ITGAM: variants seen among roughly 807,000 people sequenced by gnomAD.
ITGAM encodes the protein integrin subunit alpha M.
ITGAM carries 79 observed loss-of-function variants against 137.5 expected under a neutral mutation model. The observed-to-expected ratio is 0.57, with a 90% confidence interval of 0.48 to 0.69. ITGAM has a LOEUF of 0.69. Ranked by LOEUF, ITGAM falls within the 30% of genes least tolerant of loss-of-function variation. The pLI is 0.00. For synonymous variants in ITGAM, 583 were observed against 592.3 expected, an observed-to-expected ratio of 0.98 and a Z score of 0.23; for missense variants, 1,343 against 1,483.5, an observed-to-expected ratio of 0.91 and a Z score of 1.56.
intron 12 of ITGAM, among the ~76,000 whole-genome samples, chr16:31,292,022 T>C (rs1211971765): frequency 6.6e-6 from 1 of 152,120 alleles, no homozygotes; most frequent in Non-Finnish European, 1.5e-5. Context: ...TCACACATTG[T>C]ATGCTTGTAT....
rs1477833816 is a variant in ITGAM, at chr16:31,270,699, G to GTGTGTGTATATATATC, written c.428-254_428-253insGTGTGTATATATATCT. Among the ~76,000 whole-genome samples the GTGTGTGTATATATATC allele has an allele frequency of 1.9e-4, 5 of 25,998 alleles. 2 individuals carry two copies. Among genetic ancestry groups the GTGTGTGTATATATATC allele is most frequent in the African/African-American group, 5.7e-4 (5 of 8,782 alleles). 17.1% of individuals were successfully genotyped at this position (25,998 alleles called of 152,430 possible). On this transcript the variant is annotated intron_variant, in intron 5 of 29. Coordinates refer to ENST00000544665, the MANE Select transcript of ITGAM (RefSeq NM_000632.4). The stretch of plus-strand genomic sequence containing the variant: ...TGACTAATTTTTAACGTGTGTGTGT[G>GTGTGTGTATATATATC]TATATATATATATATATATATATAT...
chr16:31,329,152 A>C, intron 23 of ITGAM, 76 bp from the exon 24 acceptor site: 1 of 901,346 alleles, frequency 1.1e-6, no homozygotes, highest in Non-Finnish European at 1.8e-6. Flanking sequence ...TTCGCTCCTT[A>C]CACACTTAGC....
chr16:31,290,863 G>T lies in ITGAM; in HGVS notation c.1357-6651G>T, dbSNP rs116751121. Among the ~76,000 whole-genome samples, 946 of 152,078 alleles carry T rather than the reference G, an allele frequency of 6.2e-3. 8 individuals are homozygous for T. The highest frequency in any genetic ancestry group is 0.022 in the African/African-American group (901 of 41,506). ...ACCTATAAAAAAGCTATGATAATAG[G>T]TTTTTTCAGTAAGTTCTCAGGATAT... On this transcript the variant is annotated intron_variant, in intron 12 of 29. Coordinates refer to ENST00000544665, the MANE Select transcript of ITGAM (RefSeq NM_000632.4).
In ITGAM at chr16:31,270,800, A is replaced by G. The variant is rs555226607; in HGVS notation, c.428-154A>G. Among the ~76,000 whole-genome samples the G allele has an allele frequency of 3.5e-5, 5 of 142,692 alleles. No individual in the cohort carries two copies. In the South Asian group the frequency reaches 1.1e-3, roughly 31 times the overall value. 93.6% of individuals were successfully genotyped at this position (142,692 alleles called of 152,430 possible). ...TACACACACGTTAAAAATTATATAT[A>G]TATTATACATAATTTATATATATAT... is the stretch of plus-strand genomic sequence containing the variant. On this transcript the variant is annotated intron_variant, in intron 5 of 29. Coordinates refer to ENST00000544665, the MANE Select transcript of ITGAM (RefSeq NM_000632.4).
chr16:31,311,287 A>T (rs1271158411), intron 14 of ITGAM, among the ~76,000 whole-genome samples: 1 of 152,234 alleles, frequency 6.6e-6, no homozygotes, highest in African/African-American at 2.4e-5. Context: ...GACAAATGGG[A>T]TCTAATTAAA....
chr16:31,262,357 TTCCTTCCTTCC>T (rs2079712941), intron 2 of ITGAM, among the ~76,000 whole-genome samples: 2 of 123,658 alleles, frequency 1.6e-5, no homozygotes, highest in African/African-American at 3.1e-5. Context: ...CCTTCCTTCC[TTCCTTCCTTCC>T]TTCCTTCCTT....
In ITGAM at chr16:31,329,297, A is replaced by C. The variant is rs766609008; in HGVS notation, c.2862A>C (p.Gln954His). The change falls in exon 24 of 30, where the codon CAA becomes CAC. Residue 954 changes from glutamine to histidine, a missense_variant. Transcript: ENST00000544665. ...ATACCAGTCGGGTCATGCAGCATCA[A>C]TATCAGGTGGGCAGCTGGGACGTCT... ...SENTSRVMQHQYQVSNLGQRS... is the reference protein window; with the variant it reads ...SENTSRVMQHHYQVSNLGQRS... 1.9e-6 allele frequency: 3 copies of C among 1,610,100 alleles called. No individual in the cohort carries two copies. Among genetic ancestry groups the C allele is most frequent in the Non-Finnish European group, 2.5e-6 (3 of 1,176,646 alleles).
Position 31,323,544 on chromosome 16 carries a change from G to T in ITGAM, c.2003-855G>T, listed in dbSNP as rs542374753. On this transcript the variant is annotated intron_variant, in intron 16 of 29. Transcript: ENST00000544665. ...TGTACGTTATAATCAAACTGCTGAAGACCAAAGACAAAGAGAAAAAAATTT... is the reference window on the plus strand; with the variant it reads ...TGTACGTTATAATCAAACTGCTGAATACCAAAGACAAAGAGAAAAAAATTT... Among the ~76,000 whole-genome samples, 6 of 151,836 alleles carry T rather than the reference G, an allele frequency of 4.0e-5. No individual in the cohort carries two copies. In the South Asian group the frequency reaches 1.0e-3, roughly 26 times the overall value.
chr16:31,330,459 G>C (rs1275864665), intron 27 of ITGAM, 38 bp downstream of exon 27: 1 of 1,608,690 alleles, frequency 6.2e-7, no homozygotes, highest in Admixed American at 1.7e-5. Flanking sequence ...GCACAGGCGT[G>C]GTGCTCAGGG....
intron 14 of ITGAM, among the ~76,000 whole-genome samples, chr16:31,319,967 C>T (rs1360519543): frequency 1.3e-5 from 2 of 152,048 alleles, no homozygotes; most frequent in African/African-American, 2.4e-5. Context: ...TGCCCACCAC[C>T]TCTCCTGGCT....
At chr16:31,330,006 C>G in intron 25 of ITGAM, 75 bp from the exon 26 acceptor site, 1 of 1,552,348 alleles carries the variant, frequency 6.4e-7, no homozygotes, top group Non-Finnish European at 8.8e-7. Context: ...CTCCTGGACC[C>G]AGGCCATCTC....
chr16:31,270,688 C>CGTGTGTGT (rs200125675), intron 5 of ITGAM, among the ~76,000 whole-genome samples: 7 of 30,558 alleles, frequency 2.3e-4, no homozygotes, highest in African/African-American at 9.0e-4. Context: ...TAATTTTTAA[C>CGTGTGTGT]GTGTGTGTGT....
chr16:31,306,008 T>G (rs1454024548), intron 14 of ITGAM, among the ~76,000 whole-genome samples: 1 of 152,198 alleles, frequency 6.6e-6, no homozygotes, highest in Non-Finnish European at 1.5e-5. Context: ...TCCCTCTTTC[T>G]CTATCTTTTG....
At position 31,321,507 on chromosome 16, in the gene ITGAM, C is replaced by A; in HGVS notation, c.1882C>A (p.Pro628Thr). 6.2e-7 allele frequency: 1 copy of A among 1,613,976 alleles called. No homozygotes were observed. Among genetic ancestry groups the A allele is most frequent in the Non-Finnish European group, 8.5e-7 (1 of 1,179,876 alleles). Residue 628 changes from proline to threonine, a missense_variant, in exon 16 of 30, where the codon CCC (proline) becomes ACC (threonine). Pro to Thr is a conservative substitution (Grantham distance 38, BLOSUM62 -1). Transcript: ENST00000544665. ...LRVKAIMEFN[P>T]REVARNVFEC... ...AGTCAAGGCAATCATGGAGTTCAAT[C>A]CCAGGGAAGTGGCAAGGAATGTATT...
chr16:31,294,871 T>C (rs866778136), intron 12 of ITGAM, among the ~76,000 whole-genome samples: 2 of 152,168 alleles, frequency 1.3e-5, no homozygotes, highest in African/African-American at 2.4e-5. Context: ...TGTGTTTAAG[T>C]CTTTAATCCA....
chr16:31,329,303 G>A lies in ITGAM; in HGVS notation c.2868G>A (p.Gln956=), dbSNP rs200897326. ...NTSRVMQHQY[Q]VSNLGQRSLP... ...GTCGGGTCATGCAGCATCAATATCA[G>A]GTGGGCAGCTGGGACGTCTGGGTCC... Residue 956 remains glutamine (Q), a splice_region_variant and synonymous_variant, in exon 24 of 30, where the codon CAG becomes CAA. Coordinates refer to ENST00000544665, the MANE Select transcript of ITGAM (RefSeq NM_000632.4). The A allele has an allele frequency of 1.9e-6, 3 of 1,608,170 alleles. No homozygotes were observed. The African/African-American group carries it at 4.0e-5, about 21-fold the overall frequency.
At chr16:31,327,134 G>A (rs2080516705) in intron 22 of ITGAM, among the ~76,000 whole-genome samples, 199 bp downstream of exon 22, 2 of 152,186 alleles carry the variant, frequency 1.3e-5, no homozygotes, top group Admixed American at 6.5e-5. Context: ...GACGATAGTG[G>A]TTCCTGCCCT....
chr16:31,331,947 A>G lies in ITGAM; in HGVS notation c.*240A>G. On this transcript the variant is annotated 3_prime_UTR_variant, in exon 30 of 30. Coordinates refer to ENST00000544665, the MANE Select transcript of ITGAM (RefSeq NM_000632.4). ...TGCACGCCCATGTGTGAGTGTGTGC[A>G]AGTATGTGAGTGTGTCCAAGTGTGT... 1.8e-6 allele frequency: 1 copy of G among 553,070 alleles called. No individual in the cohort carries two copies. Among genetic ancestry groups the G allele is most frequent in the Admixed American group, 3.5e-5 (1 of 28,268 alleles). The allele number at this position is 553,070 out of a possible 1,614,324, so 34.3% of individuals were successfully genotyped here.
At chr16:31,278,168 T>G in intron 12 of ITGAM, 59 bp downstream of exon 12, 1 of 1,518,524 alleles carries the variant, frequency 6.6e-7, no homozygotes, top group Non-Finnish European at 8.9e-7. Flanking sequence ...GTCTTAGAGA[T>G]TCCAGGAGGG....
Sources: allele counts gnomAD v4.1 joint callset (sites outside exome capture counted in the v4.1 genomes callset), GRCh38; gene constraint gnomAD v4.1.1; transcripts MANE v1.5; gene names NCBI Gene and HGNC (gene_info 2026-07-23, HGNC 2026-07-21).